The following TIMM17A variants were observed in gnomAD, a reference collection of about 807,000 sequenced individuals.
TIMM17A encodes translocase of inner mitochondrial membrane 17A, also known as mitochondrial import inner membrane translocase subunit Tim17-A.
TIMM17A carries 15 observed loss-of-function variants against 26.5 expected under a neutral mutation model. That is an observed-to-expected ratio of 0.57 (90% CI 0.38 to 0.87). TIMM17A has a LOEUF of 0.87. Among genes scored for constraint, TIMM17A ranks in the 40% least tolerant of loss-of-function variants. The pLI is 0.00. For missense variants in TIMM17A, 201 were observed against 210.0 expected, an observed-to-expected ratio of 0.96 and a Z score of 0.27; for synonymous variants, 80 against 70.8, an observed-to-expected ratio of 1.13 and a Z score of -0.66.
intron 1 of TIMM17A, among the ~76,000 whole-genome samples, chr1:201,957,069 C>T (rs1682426077): frequency 6.6e-6 from 1 of 151,990 alleles, no homozygotes; most frequent in South Asian, 2.1e-4. Context: ...TAATCAGTTA[C>T]CTGGTTATCT....
chr1:201,967,789 G>A (rs1247592347), intron 5 of TIMM17A, among the ~76,000 whole-genome samples: 6 of 151,870 alleles, frequency 4.0e-5, no homozygotes, highest in African/African-American at 1.5e-4. Flanking sequence ...TCCCTGCCTC[G>A]GCCTCCCAAA....
chr1:201,958,445 A>G (rs1178175199), intron 3 of TIMM17A, among the ~76,000 whole-genome samples: 1 of 152,256 alleles, frequency 6.6e-6, no homozygotes, highest in Non-Finnish European at 1.5e-5. Flanking sequence ...GCTCACGCCA[A>G]TAATCCCAGC....
intron 1 of TIMM17A, among the ~76,000 whole-genome samples, chr1:201,956,623 G>C (rs1413531693): frequency 6.6e-6 from 1 of 152,224 alleles, no homozygotes; most frequent in Non-Finnish European, 1.5e-5. Flanking sequence ...TAATGACACA[G>C]GTTAGCAGAG....
At chr1:201,957,668 T>C (rs943137053) in intron 3 of TIMM17A, 94 bp downstream of exon 3, 60 of 1,065,660 alleles carry the variant, frequency 5.6e-5, no homozygotes, top group Non-Finnish European at 6.7e-5. Context: ...TTAGTGATTT[T>C]AGTTTGGTCT....
Position 201,955,547 on chromosome 1 carries a change from G to T in TIMM17A, c.21G>T (p.Glu7Asp), listed in dbSNP as rs377072616. The T allele has an allele frequency of 2.7e-5, 43 of 1,614,130 alleles. No homozygotes were observed. The South Asian group carries it at 3.1e-4, about 12-fold the overall frequency. Residue 7 changes from glutamate to aspartate, a missense_variant, in exon 1 of 6, where the codon GAG (glutamate) becomes GAT (aspartate). By Grantham distance (45) the Glu-to-Asp change is conservative (BLOSUM62 2). Coordinates refer to ENST00000367287, the MANE Select transcript of TIMM17A (RefSeq NM_006335.3). ...TCAAGATGGAGGAGTACGCGCGAGA[G>T]CCTTGGTGAGCTTCACCGCTGTCTT... is the stretch of plus-strand genomic sequence containing the variant. Reference protein sequence around the residue: MEEYAREPCPWRIVDDC... With the variant: MEEYARDPCPWRIVDDC...
intron 2 of TIMM17A, 49 bp downstream of exon 2, chr1:201,957,429 G>C: frequency 6.3e-7 from 1 of 1,593,228 alleles, no homozygotes; most frequent in Non-Finnish European, 8.6e-7. Flanking sequence ...ACTTGGGTTT[G>C]ATGATATTAC....
At chr1:201,965,292 C>A in intron 4 of TIMM17A, 141 bp from the exon 5 acceptor site, 1 of 623,146 alleles carries the variant, frequency 1.6e-6, no homozygotes, top group Non-Finnish European at 2.8e-6. Flanking sequence ...CTGTAGTTTA[C>A]TGACTCTGGG....
intron 5 of TIMM17A, among the ~76,000 whole-genome samples, chr1:201,966,571 G>A (rs1347606731): frequency 3.3e-5 from 5 of 151,900 alleles, no homozygotes; most frequent in East Asian, 1.9e-4. Flanking sequence ...GGCCGGGCAC[G>A]GTGGCTCACA....
chr1:201,967,156 T>C (rs1056321449), intron 5 of TIMM17A, among the ~76,000 whole-genome samples: 2 of 151,910 alleles, frequency 1.3e-5, no homozygotes, highest in Non-Finnish European at 2.9e-5. Flanking sequence ...GAATAGATCA[T>C]ACATCCCAAT....
intron 5 of TIMM17A, among the ~76,000 whole-genome samples, chr1:201,966,640 T>C (rs1311916422): frequency 6.6e-6 from 1 of 152,004 alleles, no homozygotes; most frequent in Admixed American, 6.6e-5. Context: ...GTCAGGAGTT[T>C]TGAGAGCAGC....
At chr1:201,956,338 T>C (rs931415588) in intron 1 of TIMM17A, among the ~76,000 whole-genome samples, 3 of 152,218 alleles carry the variant, frequency 2.0e-5, no homozygotes, top group Admixed American at 2.0e-4. Flanking sequence ...AAATCAAATC[T>C]TGATATTTCG....
In TIMM17A at chr1:201,969,564, C is replaced by A. The variant is rs1571609144; in HGVS notation, c.*10C>A. 7 of 1,604,588 alleles carry A rather than the reference C, an allele frequency of 4.4e-6. No homozygotes were observed. In the East Asian group the frequency reaches 1.6e-4, roughly 36 times the overall value. Reference sequence around the variant, plus strand: ...TCGACAATATCAGTAGGACTTCTTTCCTAGGATTTCTTTAACAGAACGAGT... The same window carrying A: ...TCGACAATATCAGTAGGACTTCTTTACTAGGATTTCTTTAACAGAACGAGT... On this transcript the variant is annotated 3_prime_UTR_variant, in exon 6 of 6. Coordinates refer to ENST00000367287, the MANE Select transcript of TIMM17A (RefSeq NM_006335.3).
chr1:201,963,536 G>GT, intron 3 of TIMM17A, 80 bp from the exon 4 acceptor site: 1 of 1,451,272 alleles, frequency 6.9e-7, no homozygotes, highest in Non-Finnish European at 9.4e-7. Flanking sequence ...ACTATAGTGA[G>GT]TATGTTTTTG....
chr1:201,963,582 T>C (rs761079659), intron 3 of TIMM17A, 34 bp from the exon 4 acceptor site: 4 of 1,581,048 alleles, frequency 2.5e-6, no homozygotes, highest in African/African-American at 1.4e-5. Flanking sequence ...AAATTTAAAT[T>C]AGTATTTGCT....
intron 3 of TIMM17A, among the ~76,000 whole-genome samples, chr1:201,962,035 TG>T (rs1472632177): frequency 1.3e-5 from 2 of 152,082 alleles, no homozygotes; most frequent in Non-Finnish European, 2.9e-5. Context: ...CTACCCTTTA[TG>T]GATCTCCTCC....
Position 201,969,462 on chromosome 1 carries a change from C to A in TIMM17A, c.431-7C>A, listed in dbSNP as rs780570461. ...ATTTTTAAATCCTTTTTATTTCTCA[C>A]TTGCAGGTCCTCAGTTTGCAGAAGA... is the stretch of plus-strand genomic sequence containing the variant. On this transcript the variant is annotated splice_polypyrimidine_tract_variant and splice_region_variant and intron_variant, in intron 5 of 5. Coordinates refer to ENST00000367287, the MANE Select transcript of TIMM17A (RefSeq NM_006335.3). 24 of 1,609,500 alleles carry A rather than the reference C, an allele frequency of 1.5e-5. No individual in the cohort carries two copies. In the South Asian group the frequency reaches 2.4e-4, roughly 16 times the overall value.
chr1:201,957,045 G>A (rs1682425410), intron 1 of TIMM17A, among the ~76,000 whole-genome samples: 1 of 151,190 alleles, frequency 6.6e-6, no homozygotes, highest in Non-Finnish European at 1.5e-5. Context: ...TAGTACGTAT[G>A]CCCTGAAACA....
chr1:201,956,629 C>T (rs1174746095), intron 1 of TIMM17A, among the ~76,000 whole-genome samples: 1 of 152,158 alleles, frequency 6.6e-6, no homozygotes, highest in Non-Finnish European at 1.5e-5. Context: ...CACAGGTTAG[C>T]AGAGAGTTAA....
At chr1:201,960,519 G>A (rs1682505772) in intron 3 of TIMM17A, among the ~76,000 whole-genome samples, 1 of 152,156 alleles carries the variant, frequency 6.6e-6, no homozygotes, top group South Asian at 2.1e-4. Context: ...TACAAAGCAC[G>A]GTGAAATAGA....
Sources: gnomAD v4.1 joint callset for allele counts (sites outside exome capture counted in the v4.1 genomes callset) on GRCh38, gnomAD v4.1.1 for gene constraint, MANE v1.5 for transcripts, NCBI Gene and HGNC (gene_info 2026-07-23, HGNC 2026-07-21) for gene names.